The following SGCE variants were observed in gnomAD, a reference collection of about 807,000 sequenced individuals.
The protein encoded by SGCE is sarcoglycan epsilon.
SGCE carries 26 observed loss-of-function variants against 57.8 expected under a neutral mutation model. The observed-to-expected ratio is 0.45, with a 90% CI of 0.33 to 0.62. The LOEUF (loss-of-function observed/expected upper bound fraction) is 0.62. SGCE is among the 20% of genes least tolerant of loss of function. The pLI is 0.02. For missense variants in SGCE, 468 were observed against 548.6 expected (o/e 0.85, Z 1.47); for synonymous variants, 183 against 189.5 (o/e 0.97, Z 0.28).
At chr7:94,631,640 A>C (rs1356904441) in intron 1 of SGCE, among the ~76,000 whole-genome samples, 6 of 151,946 alleles carry the variant, frequency 3.9e-5, no homozygotes, top group Non-Finnish European at 8.8e-5. Context: ...ACAATACTGG[A>C]TACTGTGGGG....
chr7:94,628,143 C>T (rs1804039837), intron 3 of SGCE, 59 bp downstream of exon 3: 2 of 1,291,020 alleles, frequency 1.5e-6, no homozygotes, highest in African/African-American at 1.5e-5. Flanking sequence ...ACAATACACA[C>T]ACACACACAC....
chr7:94,613,237 C>G (rs1306355933), intron 5 of SGCE, among the ~76,000 whole-genome samples: 1 of 152,164 alleles, frequency 6.6e-6, no homozygotes, highest in Non-Finnish European at 1.5e-5. Flanking sequence ...TTTGAACACA[C>G]TGGCTTTTAA....
rs1418979578 is a variant in SGCE, at chr7:94,586,074, A to AC, written c.1298-560_1298-559insG. Among the ~76,000 whole-genome samples the AC allele has an allele frequency of 5.3e-5, 8 of 150,134 alleles. 1 individual carries two copies. The highest frequency in any genetic ancestry group is 7.4e-5 in the Non-Finnish European group (5 of 67,346). ...AAGGAACTAAATGAAAAAAAAAAAA[A>AC]AAAAAAAAAAAAACAACAACTTCAA... On this transcript the variant is annotated intron_variant, in intron 10 of 10. Transcript: ENST00000648936.
chr7:94,624,117 A>T, intron 3 of SGCE: 1 of 396,886 alleles, frequency 2.5e-6, no homozygotes. Flanking sequence ...GGCCTATTTA[A>T]CTTTATAACA....
intron 1 of SGCE, among the ~76,000 whole-genome samples, chr7:94,630,473 ATAATC>A (rs1292729115): frequency 6.6e-6 from 1 of 151,926 alleles, no homozygotes; most frequent in Non-Finnish European, 1.5e-5. Context: ...TTCAAACAAT[ATAATC>A]TATTATATTA....
chr7:94,627,946 T>A (rs1159396032), intron 3 of SGCE: 1 of 419,962 alleles, frequency 2.4e-6, no homozygotes, highest in Non-Finnish European at 4.3e-6. Context: ...CATATTATAA[T>A]AATCTCTTTT....
At chr7:94,622,953 AT>A (rs536838160) in intron 4 of SGCE, among the ~76,000 whole-genome samples, 66 of 151,974 alleles carry the variant, frequency 4.3e-4, no homozygotes, top group African/African-American at 1.5e-3. Context: ...GTTAGTAATT[AT>A]TTTTTTTGAG....
At chr7:94,620,405 C>A (rs1275824225) in intron 4 of SGCE, 2 of 151,908 alleles carry the variant, frequency 1.3e-5, no homozygotes, top group Non-Finnish European at 1.5e-5. Flanking sequence ...ATGTATAGCC[C>A]ATCTGCAATT....
chr7:94,602,679 CAT>C (rs1003207971), intron 6 of SGCE, among the ~76,000 whole-genome samples: 103 of 151,890 alleles, frequency 6.8e-4, no homozygotes, highest in African/African-American at 2.3e-3. Flanking sequence ...AATATGCAAA[CAT>C]ATGTAAAATA....
chr7:94,614,554 G>A (rs2116845697), intron 5 of SGCE, among the ~76,000 whole-genome samples: 1 of 152,046 alleles, frequency 6.6e-6, no homozygotes, highest in Admixed American at 6.6e-5. Flanking sequence ...CCTACCTTCG[G>A]TACTCGCCCA....
intron 1 of SGCE, among the ~76,000 whole-genome samples, chr7:94,644,168 T>C (rs768320866): frequency 6.6e-6 from 1 of 152,224 alleles, no homozygotes; most frequent in Non-Finnish European, 1.5e-5. Flanking sequence ...ATTCACACAA[T>C]TAGCCAGGAT....
chr7:94,653,907 C>T (rs868312954), intron 1 of SGCE, among the ~76,000 whole-genome samples: 44 of 151,954 alleles, frequency 2.9e-4, no homozygotes, highest in African/African-American at 1.0e-3. Flanking sequence ...AGAAAGCTCT[C>T]CAAACTTAAT....
chr7:94,604,140 A>G (rs1799687528), intron 5 of SGCE, among the ~76,000 whole-genome samples: 1 of 152,124 alleles, frequency 6.6e-6, no homozygotes, highest in Non-Finnish European at 1.5e-5. Flanking sequence ...TTAACTGGCT[A>G]AAAAGATTTC....
intron 5 of SGCE, among the ~76,000 whole-genome samples, chr7:94,609,695 G>A (rs1800708510): frequency 6.6e-6 from 1 of 152,198 alleles, no homozygotes; most frequent in South Asian, 2.1e-4. Context: ...CCAAAATCCA[G>A]AACAGTGGCA....
intron 1 of SGCE, among the ~76,000 whole-genome samples, chr7:94,631,887 A>G (rs1008716866): frequency 2.6e-5 from 4 of 152,058 alleles, no homozygotes; most frequent in African/African-American, 9.7e-5. Flanking sequence ...CTAATTATCT[A>G]ATTCATTCTT....
chr7:94,651,979 A>G (rs1807950986), intron 1 of SGCE, among the ~76,000 whole-genome samples: 1 of 151,178 alleles, frequency 6.6e-6, no homozygotes, highest in African/African-American at 2.4e-5. Flanking sequence ...TAGGCTTAAT[A>G]TTTCTGGAAA....
chr7:94,600,582 G>A, intron 7 of SGCE, 64 bp downstream of exon 7: 1 of 1,246,252 alleles, frequency 8.0e-7, no homozygotes, highest in Non-Finnish European at 1.2e-6. Context: ...TGCTTTTAAT[G>A]GAATCTTCTA....
intron 3 of SGCE, chr7:94,625,982 A>T (rs537084386): frequency 6.6e-6 from 1 of 152,034 alleles, no homozygotes; most frequent in Admixed American, 6.6e-5. Context: ...CTGCTTTCCA[A>T]AGTAGTGATG....
At chr7:94,599,040 A>T in intron 8 of SGCE, 77 bp from the exon 9 acceptor site, 1 of 1,067,538 alleles carries the variant, frequency 9.4e-7, no homozygotes, top group Non-Finnish European at 1.4e-6. Context: ...TGAAAAACTT[A>T]TGAAGTATTT....
Sources: allele counts gnomAD v4.1 joint callset (sites outside exome capture counted in the v4.1 genomes callset), GRCh38; gene constraint gnomAD v4.1.1; transcripts MANE v1.5; gene names NCBI Gene and HGNC (gene_info 2026-07-23, HGNC 2026-07-21).